Variants in PPP3R1 observed in about 807,000 individuals in gnomAD.
The protein encoded by PPP3R1 is protein phosphatase 3 regulatory subunit B, alpha.
Under a neutral mutation model 22.6 loss-of-function variants are expected in PPP3R1, and 5 were observed. The ratio of observed to expected loss-of-function variants is 0.22; its 90% CI spans 0.12 to 0.46. The LOEUF (loss-of-function observed/expected upper bound fraction) is 0.46, where lower values mean the gene tolerates loss of function less well. PPP3R1 is among the 20% of genes least tolerant of loss of function. PPP3R1 has a pLI of 0.99. For synonymous variants in PPP3R1, 56 were observed against 65.2 expected, an observed-to-expected ratio of 0.86 and a Z score of 0.68; for missense variants, 61 against 203.2, an observed-to-expected ratio of 0.30 and a Z score of 4.25.
At chr2:68,237,776 T>G (rs982850921) in intron 1 of PPP3R1, among the ~76,000 whole-genome samples, 2 of 152,142 alleles carry the variant, frequency 1.3e-5, no homozygotes, top group Admixed American at 1.3e-4. Context: ...AAGTGAACAT[T>G]AAATGTTTGC....
At chr2:68,219,312 T>C (rs542852030) in intron 1 of PPP3R1, among the ~76,000 whole-genome samples, 1 of 151,436 alleles carries the variant, frequency 6.6e-6, no homozygotes, top group South Asian at 2.1e-4. Context: ...AAGCAAAACA[T>C]GGCAATATAA....
intron 2 of PPP3R1, among the ~76,000 whole-genome samples, chr2:68,193,874 T>G (rs750939645): frequency 6.6e-6 from 1 of 152,106 alleles, no homozygotes; most frequent in African/African-American, 2.4e-5. Context: ...AAGAACAAAT[T>G]CTAACTTTTG....
chr2:68,241,149 C>A (rs1377320697), intron 1 of PPP3R1, among the ~76,000 whole-genome samples: 2 of 151,494 alleles, frequency 1.3e-5, no homozygotes, highest in Non-Finnish European at 2.9e-5. Context: ...CCAAACTCCA[C>A]AGATGCTCAA....
At chr2:68,193,303 A>G (rs1217552056) in intron 2 of PPP3R1, among the ~76,000 whole-genome samples, 1 of 152,122 alleles carries the variant, frequency 6.6e-6, no homozygotes, top group African/African-American at 2.4e-5. Flanking sequence ...GCTAAAACTG[A>G]TCTTGAGCTA....
intron 2 of PPP3R1, among the ~76,000 whole-genome samples, chr2:68,199,041 G>A (rs1674900557): frequency 6.6e-6 from 1 of 152,090 alleles, no homozygotes; most frequent in African/African-American, 2.4e-5. Context: ...TTGGCTCACT[G>A]CCACCTCCGC....
At chr2:68,227,018 T>C (rs755834864) in intron 1 of PPP3R1, among the ~76,000 whole-genome samples, 38 of 152,086 alleles carry the variant, frequency 2.5e-4, no homozygotes, top group Non-Finnish European at 4.3e-4. Flanking sequence ...TAAGGAAATG[T>C]TGTCATCTCT....
rs2103784993 is a variant in PPP3R1, at chr2:68,226,556, A to C, written c.4-9425T>G. 1.3e-5 allele frequency among the ~76,000 whole-genome samples: 2 copies of C among 152,296 alleles called. 1 individual carries two copies. The highest frequency in any genetic ancestry group is 4.1e-4 in the South Asian group (2 of 4,830). ...GTATTCATAGCAAATAACATTTTCCAGATTAATCTTACAGAATCATGAGAC... is the reference window on the plus strand; with the variant it reads ...GTATTCATAGCAAATAACATTTTCCCGATTAATCTTACAGAATCATGAGAC... On this transcript the variant is annotated intron_variant, in intron 1 of 5. Transcript: ENST00000234310.
intron 2 of PPP3R1, among the ~76,000 whole-genome samples, chr2:68,191,138 C>T (rs556272648): frequency 6.6e-6 from 1 of 152,274 alleles, no homozygotes; most frequent in African/African-American, 2.4e-5. Context: ...AATACACATA[C>T]AGTCAGTCAT....
intron 1 of PPP3R1, among the ~76,000 whole-genome samples, chr2:68,232,120 T>TACACACACACAAAA (rs371099015): frequency 2.3e-5 from 1 of 44,320 alleles, no homozygotes; most frequent in African/African-American, 1.2e-4. Context: ...TATATATATA[T>TACACACACACAAAA]ATATACACAC....
At chr2:68,198,423 A>G (rs571530550) in intron 2 of PPP3R1, among the ~76,000 whole-genome samples, 12 of 147,362 alleles carry the variant, frequency 8.1e-5, no homozygotes, top group African/African-American at 2.7e-4. Flanking sequence ...ATGCATATAT[A>G]CGTATATATG....
chr2:68,216,972 TG>T (rs1375513456), intron 2 of PPP3R1, 119 bp downstream of exon 2: 2 of 690,560 alleles, frequency 2.9e-6, no homozygotes, highest in African/African-American at 3.7e-5. Flanking sequence ...GGGCTCACAT[TG>T]CTACAAAGGT....
chr2:68,217,039 C>CATGCAG (rs374427852), intron 2 of PPP3R1, 53 bp downstream of exon 2: 10 of 1,085,470 alleles, frequency 9.2e-6, no homozygotes, highest in South Asian at 1.6e-5. Flanking sequence ...CACACACACA[C>CATGCAG]AGAGAGAGAT....
chr2:68,224,258 A>G (rs1669741817), intron 1 of PPP3R1, among the ~76,000 whole-genome samples: 1 of 152,240 alleles, frequency 6.6e-6, no homozygotes, highest in African/African-American at 2.4e-5. Context: ...TATTTTATAG[A>G]AATCAATAAA....
At chr2:68,249,892 A>G (rs1372361575) in intron 1 of PPP3R1, among the ~76,000 whole-genome samples, 1 of 152,178 alleles carries the variant, frequency 6.6e-6, no homozygotes, top group Non-Finnish European at 1.5e-5. Flanking sequence ...TGTAAATAAT[A>G]AGAGTTCTAA....
At chr2:68,203,254 A>G (rs1416507977) in intron 2 of PPP3R1, among the ~76,000 whole-genome samples, 5 of 152,220 alleles carry the variant, frequency 3.3e-5, no homozygotes, top group Non-Finnish European at 7.3e-5. Flanking sequence ...AATGTAAAGC[A>G]ACAACTGCAC....
At chr2:68,201,587 G>A (rs923575206) in intron 2 of PPP3R1, among the ~76,000 whole-genome samples, 1 of 152,134 alleles carries the variant, frequency 6.6e-6, no homozygotes, top group Non-Finnish European at 1.5e-5. Context: ...GATTTTCACT[G>A]GTGTGTTAGT....
chr2:68,217,113 G>C lies in PPP3R1; in HGVS notation c.22C>G (p.Pro8Ala). The change falls in exon 2 of 6, where the codon CCT (proline) becomes GCT (alanine). Residue 8 changes from proline to alanine, a missense_variant. Pro to Ala is a conservative substitution (Grantham distance 27, BLOSUM62 -1). Transcript: ENST00000234310. The stretch of plus-strand genomic sequence containing the variant: ...TTACAGTGTGAGCACATTTCCAAAG[G>C]ATAACTTGCCTCATTTCCCTGGGGG... MGNEASYPLEMCSHFDAD... is the reference protein window; with the variant it reads MGNEASYALEMCSHFDAD... The C allele has an allele frequency of 6.3e-7, 1 of 1,596,692 alleles. No homozygotes were observed. Among genetic ancestry groups the C allele is most frequent in the Non-Finnish European group, 8.6e-7 (1 of 1,168,784 alleles).
chr2:68,210,331 C>T (rs1034396662), intron 2 of PPP3R1, among the ~76,000 whole-genome samples: 3 of 152,266 alleles, frequency 2.0e-5, no homozygotes, highest in Admixed American at 2.0e-4. Flanking sequence ...ATGTAATTTT[C>T]TTTAAGTTCT....
At chr2:68,240,962 G>A (rs969311318) in intron 1 of PPP3R1, among the ~76,000 whole-genome samples, 5 of 152,194 alleles carry the variant, frequency 3.3e-5, no homozygotes, top group East Asian at 1.9e-4. Context: ...AGAAAAGGTC[G>A]CAGAAGCCAA....
Sources: allele counts gnomAD v4.1 joint callset (sites outside exome capture counted in the v4.1 genomes callset), GRCh38; gene constraint gnomAD v4.1.1; transcripts MANE v1.5; gene names NCBI Gene and HGNC (gene_info 2026-07-23, HGNC 2026-07-21).